Variants in RHPN2 observed in about 807,000 individuals in gnomAD.
The protein encoded by RHPN2 is rhophilin Rho GTPase binding protein 2.
Under a neutral mutation model 79.0 loss-of-function variants are expected in RHPN2, and 40 were observed. That is an observed-to-expected ratio of 0.51 (90% CI 0.39 to 0.66). The LOEUF is 0.66. RHPN2 is among the 30% of genes least tolerant of loss of function. The pLI is 0.00. For missense variants in RHPN2, 686 were observed against 883.5 expected (o/e 0.78, Z 2.83); for synonymous variants, 285 against 363.5 (o/e 0.78, Z 2.46).
At chr19:32,993,158 C>T (rs975377089) in intron 12 of RHPN2, among the ~76,000 whole-genome samples, 4 of 151,774 alleles carry the variant, frequency 2.6e-5, no homozygotes, top group Admixed American at 1.3e-4. Context: ...TTTAAATAGA[C>T]AATACCTAAA....
At chr19:32,994,818 C>T (rs1971688041) in intron 11 of RHPN2, among the ~76,000 whole-genome samples, 1 of 151,958 alleles carries the variant, frequency 6.6e-6, no homozygotes, top group South Asian at 2.1e-4. Flanking sequence ...AAAAAATTAG[C>T]CAGGCGTGGT....
chr19:32,989,974 A>C (rs1184218254), intron 14 of RHPN2, among the ~76,000 whole-genome samples: 2 of 152,082 alleles, frequency 1.3e-5, no homozygotes, highest in Admixed American at 1.3e-4. Context: ...GCATGTTGGC[A>C]GGCGCCTGTA....
intron 7 of RHPN2, among the ~76,000 whole-genome samples, chr19:33,005,110 G>C (rs1214636916): frequency 6.6e-6 from 1 of 151,130 alleles, no homozygotes; most frequent in Non-Finnish European, 1.5e-5. Context: ...TTTTCCCCTG[G>C]ACCTCAAGAA....
chr19:33,036,518 C>T (rs1259537446), intron 2 of RHPN2, among the ~76,000 whole-genome samples: 6 of 152,316 alleles, frequency 3.9e-5, no homozygotes, highest in Non-Finnish European at 8.8e-5. Context: ...GCCTCCTCTG[C>T]CTGGGCTCCC....
chr19:33,042,081 T>A (rs1568324049), intron 2 of RHPN2, among the ~76,000 whole-genome samples: 1 of 151,562 alleles, frequency 6.6e-6, no homozygotes, highest in Non-Finnish European at 1.5e-5. Context: ...CCCAGCTATT[T>A]GGGAGGCTGA....
At chr19:33,041,752 C>G (rs1385715469) in intron 2 of RHPN2, among the ~76,000 whole-genome samples, 1 of 152,184 alleles carries the variant, frequency 6.6e-6, no homozygotes, top group Non-Finnish European at 1.5e-5. Context: ...TCATTATTCC[C>G]TAGAAAACAT....
intron 1 of RHPN2, among the ~76,000 whole-genome samples, chr19:33,053,351 A>G (rs1237014461): frequency 6.6e-6 from 1 of 151,766 alleles, no homozygotes; most frequent in Non-Finnish European, 1.5e-5. Context: ...TCCATGAATC[A>G]ACTGTATTTC....
chr19:32,992,677 G>T (rs1431259120), intron 12 of RHPN2, among the ~76,000 whole-genome samples: 5 of 151,986 alleles, frequency 3.3e-5, no homozygotes, highest in Non-Finnish European at 7.4e-5. Context: ...CAGGCATGGT[G>T]GTGCACGCCA....
chr19:33,041,604 C>T (rs1172419293), intron 2 of RHPN2, among the ~76,000 whole-genome samples: 4 of 152,088 alleles, frequency 2.6e-5, no homozygotes, highest in Non-Finnish European at 4.4e-5. Flanking sequence ...CTGCTGTTGT[C>T]GTTAAGAGAA....
rs1413959379 is a variant in RHPN2 at position 33,036,918 on chromosome 19, A to G, written c.185+7331T>C. Among the ~76,000 whole-genome samples the G allele has an allele frequency of 4.3e-5, 6 of 138,880 alleles. No homozygotes were observed. In the East Asian group the frequency reaches 1.2e-3, roughly 29 times the overall value. The allele number at this position is 138,880 out of a possible 152,430, so 91.1% of individuals were successfully genotyped here. A position where few individuals can be genotyped will look rare whatever the true frequency, so the allele number is the denominator to read the frequency against. On this transcript the variant is annotated intron_variant, in intron 2 of 14. Transcript: ENST00000254260. ...CTCCTGTGTAGCCCGAGCCTCCCCG[A>G]CGAGCGCCGCCCCCTGCTCCACGGC...
chr19:33,047,827 G>A (rs950931127), intron 1 of RHPN2, among the ~76,000 whole-genome samples: 2 of 152,072 alleles, frequency 1.3e-5, no homozygotes, highest in African/African-American at 4.8e-5. Context: ...CCAGAGGATC[G>A]CTTGAGGCCA....
chr19:32,989,088 A>G (rs1188391915), intron 14 of RHPN2, among the ~76,000 whole-genome samples: 1 of 152,168 alleles, frequency 6.6e-6, no homozygotes, highest in African/African-American at 2.4e-5. Context: ...TAAGTATGGC[A>G]TGAATCCTAG....
chr19:32,997,968 G>C (rs1009992156), intron 10 of RHPN2, among the ~76,000 whole-genome samples: 2 of 152,214 alleles, frequency 1.3e-5, no homozygotes, highest in African/African-American at 4.8e-5. Flanking sequence ...AAAGAGCCAG[G>C]CCAGATCATG....
chr19:33,057,886 G>A lies in RHPN2; in HGVS notation c.69+6898C>T, dbSNP rs543038611. ...TAACAAGGGGACTCCTGGGCTCGGC[G>A]CAGTGGCTCACACCTGTAATCCCAG... On this transcript the variant is annotated intron_variant, in intron 1 of 14. Transcript: ENST00000254260. Among the ~76,000 whole-genome samples the A allele has an allele frequency of 1.3e-4, 19 of 150,590 alleles. 1 individual carries two copies. The highest frequency in any genetic ancestry group is 3.7e-4 in the African/African-American group (15 of 41,022).
intron 2 of RHPN2, among the ~76,000 whole-genome samples, chr19:33,028,976 T>A (rs564488235): frequency 6.6e-6 from 1 of 151,928 alleles, no homozygotes; most frequent in East Asian, 1.9e-4. Context: ...CCATCTCTAC[T>A]AAAAATACAA....
intron 1 of RHPN2, among the ~76,000 whole-genome samples, chr19:33,060,293 G>C (rs544402881): frequency 2.9e-4 from 44 of 152,080 alleles, no homozygotes; most frequent in Non-Finnish European, 5.4e-4. Flanking sequence ...CCATAGCTGG[G>C]TGCCACCACA....
At chr19:33,058,108 C>T (rs1033996853) in intron 1 of RHPN2, among the ~76,000 whole-genome samples, 2 of 152,074 alleles carry the variant, frequency 1.3e-5, no homozygotes, top group Non-Finnish European at 2.9e-5. Flanking sequence ...TGCAGTGAGC[C>T]GAGAGTGCAC....
chr19:32,983,465 A>C (rs1262345581), intron 14 of RHPN2, among the ~76,000 whole-genome samples: 1 of 150,972 alleles, frequency 6.6e-6, no homozygotes, highest in Non-Finnish European at 1.5e-5. Flanking sequence ...GAGCTGAGAT[A>C]GCGCCACTCA....
chr19:33,003,357 C>CAAAAAAA (rs56166279), intron 7 of RHPN2, among the ~76,000 whole-genome samples: 1 of 66,610 alleles, frequency 1.5e-5, no homozygotes, highest in Admixed American at 2.2e-4. Flanking sequence ...GACTCTGTCT[C>CAAAAAAA]AAAAAAAAAA....
Sources: gnomAD v4.1 joint callset for allele counts (sites outside exome capture counted in the v4.1 genomes callset) on GRCh38, gnomAD v4.1.1 for gene constraint, MANE v1.5 for transcripts, NCBI Gene and HGNC (gene_info 2026-07-23, HGNC 2026-07-21) for gene names.